Variants in USP28 observed in about 807,000 individuals in gnomAD.
The protein encoded by USP28 is ubiquitin carboxyl-terminal hydrolase 28.
USP28 carries 113 observed loss-of-function variants against 145.0 expected under a neutral mutation model. That is an observed-to-expected ratio of 0.78 (90% confidence interval 0.67 to 0.91). The LOEUF is 0.91. USP28 is among the 40% of genes least tolerant of loss of function. The pLI is 0.00. For synonymous variants in USP28, 447 were observed against 450.9 expected, an observed-to-expected ratio of 0.99 and a Z score of 0.11; for missense variants, 1,201 against 1,289.6, an observed-to-expected ratio of 0.93 and a Z score of 1.05.
chr11:113,833,339 T>C (rs1390880990), intron 7 of USP28, 81 bp downstream of exon 7: 2 of 1,537,370 alleles, frequency 1.3e-6, no homozygotes, highest in East Asian at 2.3e-5. Flanking sequence ...TCACAGCTTG[T>C]TACGCAGTTG....
chr11:113,798,534 A>G (rs1938356823), exon 25 of USP28: 1 of 152,642 alleles, frequency 6.6e-6, no homozygotes, highest in Non-Finnish European at 1.5e-5. Flanking sequence ...ATGCCTAATA[A>G]CTATTAATGG....
chr11:113,806,619 G>C (rs1940016167), intron 18 of USP28, 35 bp from the exon 20 acceptor site: 24 of 1,451,764 alleles, frequency 1.7e-5, no homozygotes, highest in Non-Finnish European at 2.2e-5. Context: ...AGAGAGAAAG[G>C]AGAGAAGAAA....
intron 3 of USP28, among the ~76,000 whole-genome samples, chr11:113,844,188 C>T (rs1487660338): frequency 6.6e-6 from 1 of 152,104 alleles, no homozygotes; most frequent in African/African-American, 2.4e-5. Context: ...CATCTATAAT[C>T]CCAGCACTTT....
intron 1 of USP28, among the ~76,000 whole-genome samples, chr11:113,861,171 T>C (rs2136822739): frequency 6.6e-6 from 1 of 151,790 alleles, no homozygotes; most frequent in African/African-American, 2.4e-5. Context: ...AGATGGTTGC[T>C]AACCTTTCCA....
intron 3 of USP28, among the ~76,000 whole-genome samples, chr11:113,845,564 C>A (rs990322568): frequency 6.6e-6 from 1 of 152,094 alleles, no homozygotes; most frequent in African/African-American, 2.4e-5. Flanking sequence ...TTCTGGGTAT[C>A]CAAAAGAATC....
At chr11:113,859,134 T>C (rs1394780010) in intron 1 of USP28, among the ~76,000 whole-genome samples, 1 of 152,140 alleles carries the variant, frequency 6.6e-6, no homozygotes, top group Non-Finnish European at 1.5e-5. Flanking sequence ...ACCACAGCCT[T>C]CCAGGTTGTT....
chr11:113,838,296 A>T (rs893484064), intron 5 of USP28, among the ~76,000 whole-genome samples: 7 of 152,170 alleles, frequency 4.6e-5, no homozygotes, highest in African/African-American at 7.2e-5. Context: ...CATGTTCCAC[A>T]TTATCTTCCT....
intron 12 of USP28, among the ~76,000 whole-genome samples, chr11:113,820,040 T>A (rs1942371410): frequency 6.6e-6 from 1 of 152,170 alleles, no homozygotes; most frequent in African/African-American, 2.4e-5. Flanking sequence ...CTTGTGGGAG[T>A]TAAAATTTAA....
At chr11:113,836,534 T>C (rs1456413333) in intron 5 of USP28, among the ~76,000 whole-genome samples, 1 of 152,128 alleles carries the variant, frequency 6.6e-6, no homozygotes, top group Non-Finnish European at 1.5e-5. Context: ...TAGTAACAGC[T>C]TTCCTCACTC....
rs541495121 is a variant in USP28 at position 113,872,514 on chromosome 11, T to C, written c.57+2931A>G. On this transcript the variant is annotated intron_variant, in intron 1 of 24. Transcript: ENST00000003302. ...AAAAAAAAAAAAATACTGTTTGCAT[T>C]TGGGGGCAGAGGGGCATGAGAGTTG... Among the ~76,000 whole-genome samples the C allele has an allele frequency of 4.7e-4, 71 of 152,148 alleles. 1 individual carries two copies. Among genetic ancestry groups the C allele is most frequent in the African/African-American group, 1.4e-3 (59 of 41,506 alleles).
chr11:113,854,206 A>T (rs1270315236), intron 2 of USP28, 52 bp downstream of exon 2: 2 of 1,506,736 alleles, frequency 1.3e-6, no homozygotes, highest in Non-Finnish European at 1.8e-6. Flanking sequence ...CATAACTATA[A>T]TATAGACAGC....
intron 3 of USP28, among the ~76,000 whole-genome samples, chr11:113,844,842 C>A (rs749434453): frequency 1.6e-4 from 24 of 152,114 alleles, no homozygotes; most frequent in Admixed American, 1.4e-3. Flanking sequence ...CGGTGGCTCA[C>A]GCCTGTAATC....
intron 5 of USP28, among the ~76,000 whole-genome samples, chr11:113,836,353 C>T (rs564267156): frequency 6.6e-6 from 1 of 152,282 alleles, no homozygotes; most frequent in Non-Finnish European, 1.5e-5. Context: ...CATCAGCACC[C>T]CATCAGCTGC....
chr11:113,815,950 A>G (rs1941671528), intron 13 of USP28, among the ~76,000 whole-genome samples: 1 of 152,240 alleles, frequency 6.6e-6, no homozygotes, highest in Non-Finnish European at 1.5e-5. Flanking sequence ...GCTTCAAGTC[A>G]AACAATCCTA....
At chr11:113,874,423 G>GAGAA in intron 1 of USP28, 1 of 412,952 alleles carries the variant, frequency 2.4e-6, no homozygotes, top group Non-Finnish European at 3.1e-6. Flanking sequence ...AGACTCTGTC[G>GAGAA]AAAAAAAAAA....
At chr11:113,832,709 G>C (rs577675672) in intron 7 of USP28, among the ~76,000 whole-genome samples, 99 of 152,008 alleles carry the variant, frequency 6.5e-4, no homozygotes, top group Non-Finnish European at 1.1e-3. Flanking sequence ...CCTTCAAATA[G>C]AGAAAGAAAA....
chr11:113,854,979 G>A (rs1419328341), intron 1 of USP28, among the ~76,000 whole-genome samples: 1 of 152,136 alleles, frequency 6.6e-6, no homozygotes, highest in Non-Finnish European at 1.5e-5. Context: ...GAATTTGCAT[G>A]GATATAAAGA....
At chr11:113,843,031 G>C (rs1328385105) in intron 3 of USP28, among the ~76,000 whole-genome samples, 1 of 152,138 alleles carries the variant, frequency 6.6e-6, no homozygotes, top group Non-Finnish European at 1.5e-5. Flanking sequence ...AGGAGTTTGA[G>C]ACCAACCTGG....
chr11:113,846,348 C>T (rs1398340649), intron 3 of USP28, among the ~76,000 whole-genome samples: 1 of 152,146 alleles, frequency 6.6e-6, no homozygotes, highest in Non-Finnish European at 1.5e-5. Context: ...AGAAGAAATA[C>T]TGTCACATGC....
Sources: gnomAD v4.1 joint callset for allele counts (sites outside exome capture counted in the v4.1 genomes callset) on GRCh38, gnomAD v4.1.1 for gene constraint, MANE v1.5 for transcripts, NCBI Gene and HGNC (gene_info 2026-07-23, HGNC 2026-07-21) for gene names.